The following ADA2 variants were observed in gnomAD, a reference collection of about 807,000 sequenced individuals.
The protein encoded by ADA2 is adenosine deaminase 2, also known as adenosine deaminase CECR1.
ADA2 carries 29 observed loss-of-function variants against 44.2 expected under a neutral mutation model. The observed-to-expected ratio is 0.66, with a 90% CI of 0.49 to 0.89. ADA2 has a LOEUF of 0.89. Among genes scored for constraint, ADA2 ranks in the 40% least tolerant of loss-of-function variants. The probability of loss-of-function intolerance (pLI) is 0.00; values close to 1 mark genes in which losing one functional copy is unlikely to be tolerated. For missense variants in ADA2, 637 were observed against 644.8 expected (o/e 0.99, Z 0.13); for synonymous variants, 215 against 234.9 (o/e 0.92, Z 0.77).
chr22:17,211,337 C>T (rs5748946), intron 1 of ADA2, among the ~76,000 whole-genome samples: 85,517 of 151,692 alleles, frequency 0.56, 25,190 homozygotes, highest in East Asian at 0.93. Flanking sequence ...CCAGCCTGGG[C>T]GACAGAGCAA....
At chr22:17,188,510 G>C in intron 6 of ADA2, 63 bp from the exon 7 acceptor site, 3 of 1,111,550 alleles carry the variant, frequency 2.7e-6, no homozygotes, top group East Asian at 4.8e-5. Flanking sequence ...CTGATGGCGC[G>C]CCCTGGAGCC....
At chr22:17,208,819 A>C (rs1601461286) in intron 2 of ADA2, among the ~76,000 whole-genome samples, 1 of 133,920 alleles carries the variant, frequency 7.5e-6, no homozygotes, top group Non-Finnish European at 1.6e-5. Flanking sequence ...AATTTTTTTT[A>C]ATAAAAAAAA....
Position 17,185,902 on chromosome 22 carries a change from G to C in ADA2, c.1081+2437C>G, listed in dbSNP as rs2062030380. Among the ~76,000 whole-genome samples the C allele has an allele frequency of 2.0e-5, 3 of 152,192 alleles. 1 individual carries two copies. In the East Asian group the frequency reaches 5.8e-4, roughly 29 times the overall value. On this transcript the variant is annotated intron_variant, in intron 7 of 9. Transcript: ENST00000399837. ...CTGCCCTCCTGGTCCCGGCCTCCAT[G>C]TGAACAGCCTCCTCCCAAATCTTCC...
At chr22:17,203,344 G>C (rs762885531) in intron 4 of ADA2, among the ~76,000 whole-genome samples, 32 of 152,074 alleles carry the variant, frequency 2.1e-4, no homozygotes, top group Non-Finnish European at 4.1e-4. Context: ...TGAGAAACAG[G>C]GGGGCAAAGG....
At chr22:17,193,252 C>T in intron 4 of ADA2, 1 of 891,366 alleles carries the variant, frequency 1.1e-6, no homozygotes, top group South Asian at 1.3e-5. Context: ...AAGAGCTGCC[C>T]AGCTGGTCAT....
chr22:17,196,856 A>G (rs1339084391), intron 4 of ADA2, among the ~76,000 whole-genome samples: 3 of 152,204 alleles, frequency 2.0e-5, no homozygotes, highest in African/African-American at 4.8e-5. Flanking sequence ...AAAAATATTA[A>G]CAAATGACAA....
intron 4 of ADA2, chr22:17,199,446 T>TCCCACCCCTCCTCTATACTCTTCCCCA: frequency 2.2e-6 from 2 of 917,624 alleles, no homozygotes; most frequent in Non-Finnish European, 3.5e-6. Context: ...CCTCTTCCCC[T>TCCCACCCCTCCTCTATACTCTTCCCCA]CCACCCACGA....
rs771622323 is a variant in ADA2 at position 17,181,913 on chromosome 22, C to G, written c.1349G>C (p.Gly450Ala). Residue 450 changes from glycine to alanine, a missense_variant, in exon 9 of 10, where the codon GGC (glycine) becomes GCC (alanine). Coordinates refer to ENST00000399837, the MANE Select transcript of ADA2 (RefSeq NM_001282225.2). ...SDDPAMFGAKGLSYDFYEVFM... is the reference protein window; with the variant it reads ...SDDPAMFGAKALSYDFYEVFM... ...GACCTCATAGAAATCATAGGACAAGCCTTTGGCACCAAACATAGCTGGGTC... is the reference window on the plus strand; with the variant it reads ...GACCTCATAGAAATCATAGGACAAGGCTTTGGCACCAAACATAGCTGGGTC... 6.2e-6 allele frequency: 10 copies of G among 1,614,032 alleles called. No homozygotes were observed. The Admixed American group carries it at 8.3e-5, about 13-fold the overall frequency.
Position 17,191,780 on chromosome 22 carries a change from C to G in ADA2, c.784G>C (p.Glu262Gln). The G allele has an allele frequency of 1.2e-6, 2 of 1,613,662 alleles. No individual in the cohort carries two copies. The highest frequency in any genetic ancestry group is 8.5e-7 in the Non-Finnish European group (1 of 1,179,806). Residue 262 changes from glutamate (E) to glutamine (Q), a missense_variant, in exon 5 of 10, where the codon GAA (glutamate) becomes CAA (glutamine). By Grantham distance (29) the Glu-to-Gln change is conservative. Transcript: ENST00000399837. The stretch of plus-strand genomic sequence containing the variant: ...TGGTAAGTCTTCACTGACCACTCTT[C>G]GTCATGGTGCTCTCCACTGAGCTCA... ...VYELSGEHHD[E>Q]EWSVKTYQEV... is the part of the protein sequence containing the mutation.
intron 4 of ADA2, among the ~76,000 whole-genome samples, chr22:17,200,111 C>T (rs1272921146): frequency 5.3e-5 from 8 of 152,268 alleles, no homozygotes; most frequent in East Asian, 1.9e-4. Context: ...AGGAGAATCA[C>T]TTGAATCCGG....
intron 6 of ADA2, 194 bp downstream of exon 6, chr22:17,189,748 C>A (rs2062091239): frequency 3.6e-6 from 2 of 549,678 alleles, no homozygotes; most frequent in Admixed American, 3.2e-5. Context: ...ACAGCCGTCC[C>A]CTGTAGGCCT....
chr22:17,193,403 A>G (rs1339677597), intron 4 of ADA2: 1 of 399,632 alleles, frequency 2.5e-6, no homozygotes, highest in African/African-American at 2.2e-5. Context: ...GCGGTGGCTC[A>G]CGCCTGTAAT....
chr22:17,213,499 C>A (rs766444277), intron 1 of ADA2: 2 of 239,400 alleles, frequency 8.4e-6, no homozygotes, highest in Non-Finnish European at 1.7e-5. Flanking sequence ...ACCGAAGCAC[C>A]GGGGAGTGTC....
intron 7 of ADA2, among the ~76,000 whole-genome samples, chr22:17,186,714 C>A (rs1358281836): frequency 2.0e-5 from 3 of 151,740 alleles, no homozygotes; most frequent in African/African-American, 7.3e-5. Context: ...ACTAAAAATA[C>A]AAAAATTAGC....
chr22:17,190,600 G>C (rs772556913), intron 5 of ADA2, among the ~76,000 whole-genome samples: 1 of 152,156 alleles, frequency 6.6e-6, no homozygotes, highest in Non-Finnish European at 1.5e-5. Context: ...GCAAGCCCAC[G>C]ACAGGCTCAA....
intron 7 of ADA2, among the ~76,000 whole-genome samples, chr22:17,184,983 A>AAT (rs374170344): frequency 0.15 from 12,076 of 78,518 alleles, 2,080 homozygotes; most frequent in African/African-American, 0.2. Flanking sequence ...CCCATGTCAA[A>AAT]ATATATATAT....
chr22:17,197,281 T>C (rs577358447), intron 4 of ADA2, among the ~76,000 whole-genome samples: 89 of 151,748 alleles, frequency 5.9e-4, no homozygotes, highest in Non-Finnish European at 8.8e-5. Context: ...TTTTTTTTTT[T>C]GTCTGAGACA....
At chr22:17,184,859 G>GT (rs1213144883) in intron 7 of ADA2, among the ~76,000 whole-genome samples, 1 of 146,654 alleles carries the variant, frequency 6.8e-6, no homozygotes, top group African/African-American at 2.6e-5. Flanking sequence ...AACCCAGGAG[G>GT]TGGAGGCTGT....
intron 1 of ADA2, chr22:17,213,637 T>A: frequency 3.6e-6 from 1 of 278,418 alleles, no homozygotes; most frequent in Non-Finnish European, 7.4e-6. Flanking sequence ...TCAATGGGAA[T>A]GAACAAAAAG....
Sources: allele counts gnomAD v4.1 joint callset (sites outside exome capture counted in the v4.1 genomes callset), GRCh38; gene constraint gnomAD v4.1.1; transcripts MANE v1.5; gene names NCBI Gene and HGNC (gene_info 2026-07-23, HGNC 2026-07-21).